Variants in FYN observed in about 807,000 individuals in gnomAD.
FYN encodes tyrosine-protein kinase Fyn.
Under a neutral mutation model 70.2 loss-of-function variants are expected in FYN, and 10 were observed. That is an observed-to-expected ratio of 0.14 (90% CI 0.09 to 0.24). The LOEUF is 0.24. Among genes scored for constraint, FYN ranks in the 10% least tolerant of loss-of-function variants. The pLI, the probability that FYN is intolerant of heterozygous loss-of-function variation, is 1.00. For missense variants in FYN, 319 were observed against 673.1 expected (o/e 0.47, Z 5.82); for synonymous variants, 236 against 248.6 (o/e 0.95, Z 0.48).
At chr6:111,688,800 T>C (rs1476283158) in intron 12 of FYN, among the ~76,000 whole-genome samples, 1 of 152,116 alleles carries the variant, frequency 6.6e-6, no homozygotes. Context: ...AATGCAAATA[T>C]GAGAAAATAG....
rs760579248 is a variant in FYN, at chr6:111,694,421, G to A, written c.1227C>T (p.Phe409=). 1.4e-5 allele frequency: 23 copies of A among 1,614,186 alleles called. No individual in the cohort carries two copies. The highest frequency in any genetic ancestry group is 3.3e-4 in the Middle Eastern group (2 of 6,062). The change falls in exon 12 of 14, where the codon TTC becomes TTT. Residue 409 remains phenylalanine (F), a synonymous_variant. Coordinates refer to ENST00000354650, the MANE Select transcript of FYN (RefSeq NM_002037.5). This position sits in a 1 kb window ranked among gnomAD's most constrained non-coding sequence, Gnocchi z 5.0. ...TGTCTTCTATCAATCGGGCCAATCC[G>A]AAGTCAGCAATCTTGCATATGAGTC... ...GNGLICKIAD[F]GLARLIEDNE... is the part of the protein sequence containing the mutation.
intron 3 of FYN, among the ~76,000 whole-genome samples, chr6:111,753,348 C>A (rs1802570404): frequency 1.3e-5 from 2 of 152,102 alleles, no homozygotes; most frequent in Admixed American, 6.5e-5. Flanking sequence ...GGGCTAGATA[C>A]TAGAACAATG....
intron 13 of FYN, among the ~76,000 whole-genome samples, chr6:111,667,915 T>A (rs1210467582): frequency 5.9e-5 from 9 of 152,264 alleles, no homozygotes; most frequent in Admixed American, 5.2e-4. Flanking sequence ...GCCATGTGAA[T>A]AATTAAGCAC....
At chr6:111,687,716 C>G (rs566712440) in intron 12 of FYN, among the ~76,000 whole-genome samples, 1 of 152,202 alleles carries the variant, frequency 6.6e-6, no homozygotes, top group East Asian at 1.9e-4. Flanking sequence ...ACTATTACTA[C>G]TACTGCCAAC....
intron 3 of FYN, among the ~76,000 whole-genome samples, chr6:111,772,831 G>T (rs1162353289): frequency 8.9e-6 from 1 of 112,890 alleles, no homozygotes; most frequent in African/African-American, 3.4e-5. Context: ...AAGTGTATTT[G>T]ATCAGTTACA....
intron 3 of FYN, among the ~76,000 whole-genome samples, chr6:111,746,354 C>T (rs1015984962): frequency 2.0e-5 from 3 of 152,106 alleles, no homozygotes; most frequent in East Asian, 1.9e-4. Flanking sequence ...CAGGCAAACA[C>T]GGTTGTGATT....
Position 111,694,824 on chromosome 6 carries a change from TGGGG to T in FYN, c.1043-124_1043-121del. 2 of 793,136 alleles carry T rather than the reference TGGGG, an allele frequency of 2.5e-6. No individual in the cohort carries two copies. Among genetic ancestry groups the T allele is most frequent in the Non-Finnish European group, 4.0e-6 (2 of 503,270 alleles). 49.1% of individuals were successfully genotyped at this position (793,136 alleles called of 1,614,324 possible). A position where few individuals can be genotyped will look rare whatever the true frequency, so the allele number is the denominator to read the frequency against. On this transcript the variant is annotated intron_variant, in intron 10 of 13. Coordinates refer to ENST00000354650, the MANE Select transcript of FYN (RefSeq NM_002037.5). The surrounding 1 kb of genome is among the most constrained non-coding windows in gnomAD (Gnocchi z 5.0). Reference sequence around the variant, plus strand: ...GTCAAATGGAATAATGCCATCCACATGGGGGGACAAAAAGGTTTATATAAAAAAG... The same window carrying T: ...GTCAAATGGAATAATGCCATCCACATGGACAAAAAGGTTTATATAAAAAAG...
chr6:111,668,996 G>C (rs375712552), intron 13 of FYN, among the ~76,000 whole-genome samples: 1 of 152,130 alleles, frequency 6.6e-6, no homozygotes, highest in East Asian at 1.9e-4. Flanking sequence ...GTGGCATTTG[G>C]AATCCTTTAA....
chr6:111,724,173 A>T (rs983416246), intron 3 of FYN, among the ~76,000 whole-genome samples: 2 of 152,176 alleles, frequency 1.3e-5, no homozygotes, highest in Non-Finnish European at 2.9e-5. Flanking sequence ...ACCTGGGAAG[A>T]ATTGCCGGAC....
intron 12 of FYN, among the ~76,000 whole-genome samples, chr6:111,686,222 CCGT>C (rs1798998499): frequency 6.6e-6 from 1 of 152,126 alleles, no homozygotes; most frequent in Non-Finnish European, 1.5e-5. Context: ...ATAAACAAAG[CCGT>C]CCCTCCCAGA....
chr6:111,736,327 G>C (rs975285764), intron 3 of FYN, among the ~76,000 whole-genome samples: 8 of 152,218 alleles, frequency 5.3e-5, no homozygotes, highest in Non-Finnish European at 1.2e-4. Context: ...CTTTGGGCTA[G>C]AAGGCAGCTT....
intron 2 of FYN, among the ~76,000 whole-genome samples, chr6:111,808,053 C>T (rs1036999306): frequency 5.9e-5 from 9 of 151,978 alleles, no homozygotes; most frequent in African/African-American, 1.7e-4. Flanking sequence ...GGTTGCAGTG[C>T]GCTGAGGCTG....
chr6:111,847,230 C>T (rs1377311923), intron 1 of FYN, among the ~76,000 whole-genome samples: 1 of 152,192 alleles, frequency 6.6e-6, no homozygotes, highest in Non-Finnish European at 1.5e-5. Context: ...CCCGGGACTA[C>T]CTTAGAACCT....
At chr6:111,811,360 G>A (rs537757253) in intron 2 of FYN, among the ~76,000 whole-genome samples, 1 of 152,290 alleles carries the variant, frequency 6.6e-6, no homozygotes, top group East Asian at 1.9e-4. Context: ...TGTAGGGCTT[G>A]GGGTATGTGT....
chr6:111,867,079 C>T (rs1383297192), intron 1 of FYN, among the ~76,000 whole-genome samples: 1 of 152,202 alleles, frequency 6.6e-6, no homozygotes, highest in Non-Finnish European at 1.5e-5. Context: ...TGCTCTCTGC[C>T]CTTTCTGCTC....
intron 12 of FYN, among the ~76,000 whole-genome samples, chr6:111,689,875 T>C (rs748316448): frequency 6.6e-6 from 1 of 152,170 alleles, no homozygotes; most frequent in Non-Finnish European, 1.5e-5. Context: ...ACATAAAAAT[T>C]CATCGGGCTG....
intron 3 of FYN, among the ~76,000 whole-genome samples, chr6:111,775,556 A>G (rs1339341167): frequency 6.6e-6 from 1 of 152,198 alleles, no homozygotes; most frequent in Non-Finnish European, 1.5e-5. Flanking sequence ...TATGTAAGTG[A>G]CGCTTATGGA....
intron 6 of FYN, among the ~76,000 whole-genome samples, chr6:111,705,052 A>ACT (rs1800006689): frequency 6.6e-6 from 1 of 152,054 alleles, no homozygotes; most frequent in South Asian, 2.1e-4. Flanking sequence ...ACAGAGCGAG[A>ACT]CTCTGTCTCA....
chr6:111,718,758 G>A (rs779854870), intron 4 of FYN, among the ~76,000 whole-genome samples: 3 of 152,146 alleles, frequency 2.0e-5, no homozygotes, highest in Non-Finnish European at 4.4e-5. Context: ...GCAAGGCCTG[G>A]GTTAAAAGGA....
Sources: allele counts gnomAD v4.1 joint callset (sites outside exome capture counted in the v4.1 genomes callset), GRCh38; gene constraint gnomAD v4.1.1; non-coding constraint Gnocchi (gnomAD v3.1); transcripts MANE v1.5; gene names NCBI Gene and HGNC (gene_info 2026-07-23, HGNC 2026-07-21).